Variants in DHRS7C observed in about 807,000 individuals in gnomAD.
DHRS7C encodes dehydrogenase/reductase 7C, also known as dehydrogenase/reductase SDR family member 7C.
In DHRS7C, 28 loss-of-function variants were observed where a neutral mutation model predicts 29.6. The ratio of observed to expected loss-of-function variants is 0.95; its 90% CI spans 0.70 to 1.30. DHRS7C has a LOEUF of 1.30. DHRS7C is among the 50% of genes most tolerant of loss of function. The pLI, the probability that DHRS7C is intolerant of heterozygous loss-of-function variation, is 0.00. For missense variants in DHRS7C, 403 were observed against 393.3 expected, an observed-to-expected ratio of 1.02 and a Z score of -0.21; for synonymous variants, 158 against 160.2, an observed-to-expected ratio of 0.99 and a Z score of 0.10.
At chr17:9,785,803 G>A (rs192565954) in intron 1 of DHRS7C, among the ~76,000 whole-genome samples, 2 of 152,064 alleles carry the variant, frequency 1.3e-5, no homozygotes, top group Non-Finnish European at 2.9e-5. Flanking sequence ...AGTTTTTCTC[G>A]CTCTCCTATC....
At chr17:9,773,964 CT>C (rs1186662957) in intron 4 of DHRS7C, among the ~76,000 whole-genome samples, 2 of 152,102 alleles carry the variant, frequency 1.3e-5, no homozygotes, top group Admixed American at 6.5e-5. Context: ...CTCAGGTGAT[CT>C]GCCTGTCTTG....
In DHRS7C at chr17:9,774,904, C is replaced by T. The variant is rs1007795195; in HGVS notation, c.572-1982G>A. 6.6e-6 allele frequency among the ~76,000 whole-genome samples: 1 copy of T among 152,180 alleles called. No individual in the cohort carries two copies. Among genetic ancestry groups the T allele is most frequent in the African/African-American group, 2.4e-5 (1 of 41,440 alleles). ...GGCATGGCTTCAGTTCTGACATTTA[C>T]ATGGGAAACTCTGTGCCCCTCAATT... On this transcript the variant is annotated intron_variant, in intron 4 of 5. Coordinates refer to ENST00000571134, the MANE Select transcript of DHRS7C (RefSeq NM_001105571.3). This position sits in a 1 kb window ranked among gnomAD's most constrained non-coding sequence, Gnocchi z 5.0.
chr17:9,776,010 T>G (rs983673245), intron 4 of DHRS7C, among the ~76,000 whole-genome samples: 1 of 152,170 alleles, frequency 6.6e-6, no homozygotes, highest in Admixed American at 6.5e-5. Flanking sequence ...GAGATCAGCC[T>G]GGCCAATATG....
At chr17:9,778,394 C>CAA (rs60847065) in intron 3 of DHRS7C, among the ~76,000 whole-genome samples, 30 of 82,954 alleles carry the variant, frequency 3.6e-4, no homozygotes, top group African/African-American at 5.7e-4. Flanking sequence ...GACTCCGTCT[C>CAA]AAAAAAAAAA....
chr17:9,784,247 C>G (rs1567703091), intron 1 of DHRS7C, among the ~76,000 whole-genome samples: 1 of 152,070 alleles, frequency 6.6e-6, no homozygotes, highest in Non-Finnish European at 1.5e-5. Flanking sequence ...CCAAGGCGGG[C>G]AGATCACGAG....
Position 9,791,431 on chromosome 17 carries a change from C to T in DHRS7C, c.-147G>A. The T allele has an allele frequency of 1.2e-6, 1 of 831,038 alleles. No individual in the cohort carries two copies. The highest frequency in any genetic ancestry group is 1.8e-6 in the Non-Finnish European group (1 of 558,476). The allele number at this position is 831,038 out of a possible 1,614,324, so 51.5% of individuals were successfully genotyped here. A position where few individuals can be genotyped will look rare whatever the true frequency, so the allele number is the denominator to read the frequency against. ...CTGAACACCCAGTGGGCGTGCTAAT[C>T]CCCAAATGTTCAACAAATAGGAAGT... On this transcript the variant is annotated 5_prime_UTR_variant, in exon 1 of 6. Transcript: ENST00000571134.
At position 9,781,510 on chromosome 17, in the gene DHRS7C, G is replaced by A; in HGVS notation, c.239C>T (p.Ala80Val). The change falls in exon 2 of 6, where the codon GCC becomes GTC. Residue 80 changes from alanine (A) to valine (V), a missense_variant. By Grantham distance (64) the Ala-to-Val change is moderately conservative (BLOSUM62 0). Transcript: ENST00000571134. ...NWERLENLYD[A>V]LISVADPSKT... ...GCTGGGGTCAGCCACGCTGATCAAG[G>A]CATCATATAGGTTCTCTAGCCTCTC... 1.2e-6 allele frequency: 2 copies of A among 1,613,998 alleles called. No individual in the cohort carries two copies. The highest frequency in any genetic ancestry group is 1.7e-6 in the Non-Finnish European group (2 of 1,179,888).
intron 4 of DHRS7C, among the ~76,000 whole-genome samples, chr17:9,773,741 T>TTTTTTTTTTTTTTTC (rs57969612): frequency 7.7e-6 from 1 of 129,290 alleles, no homozygotes; most frequent in African/African-American, 3.2e-5. Context: ...TTTTTTTTTT[T>TTTTTTTTTTTTTTTC]TGAGACGGCG....
intron 1 of DHRS7C, among the ~76,000 whole-genome samples, chr17:9,788,426 C>T (rs1158051949): frequency 3.3e-5 from 5 of 152,010 alleles, no homozygotes; most frequent in South Asian, 4.2e-4. Context: ...AGGCTGGTCT[C>T]GAACTCCTGA....
intron 1 of DHRS7C, among the ~76,000 whole-genome samples, chr17:9,787,182 G>T (rs2066428828): frequency 6.6e-6 from 1 of 152,186 alleles, no homozygotes; most frequent in South Asian, 2.1e-4. Flanking sequence ...CTGACCTCAG[G>T]TCATCCCCCT....
At chr17:9,783,578 T>C (rs1358720107) in intron 1 of DHRS7C, among the ~76,000 whole-genome samples, 2 of 152,220 alleles carry the variant, frequency 1.3e-5, no homozygotes, top group East Asian at 3.8e-4. Context: ...CAAGTCTAGA[T>C]AGAAATATTG....
At chr17:9,780,714 G>A (rs1029646564) in intron 2 of DHRS7C, among the ~76,000 whole-genome samples, 1 of 152,160 alleles carries the variant, frequency 6.6e-6, no homozygotes, top group Non-Finnish European at 1.5e-5. Context: ...GGGAAACATA[G>A]GCTGTTCTCC....
intron 1 of DHRS7C, among the ~76,000 whole-genome samples, chr17:9,787,830 C>T (rs2066432670): frequency 6.6e-6 from 1 of 152,166 alleles, no homozygotes; most frequent in African/African-American, 2.4e-5. Context: ...ACCTCAGCCT[C>T]CTGAGTAGCT....
chr17:9,774,321 G>C lies in DHRS7C; in HGVS notation c.572-1399C>G, dbSNP rs183906211. Among the ~76,000 whole-genome samples the C allele has an allele frequency of 3.2e-3, 483 of 152,230 alleles. 2 individuals carry two copies. The highest frequency in any genetic ancestry group is 0.01 in the African/African-American group (436 of 41,542). Reference sequence around the variant, plus strand: ...TTGTTTTGAGAGGGAGTCTTGCTCTGTTGTCCGGGCTGGAGTACAGTGGCT... The same window carrying C: ...TTGTTTTGAGAGGGAGTCTTGCTCTCTTGTCCGGGCTGGAGTACAGTGGCT... On this transcript the variant is annotated intron_variant, in intron 4 of 5. Coordinates refer to ENST00000571134, the MANE Select transcript of DHRS7C (RefSeq NM_001105571.3). The surrounding 1 kb of genome is among the most constrained non-coding windows in gnomAD (Gnocchi z 5.0).
chr17:9,776,318 C>T (rs1300204845), intron 4 of DHRS7C, among the ~76,000 whole-genome samples: 3 of 152,186 alleles, frequency 2.0e-5, no homozygotes, highest in African/African-American at 7.2e-5. Flanking sequence ...GTCTGCAAGC[C>T]AGGGAGAAGG....
chr17:9,785,552 C>T (rs2152018231), intron 1 of DHRS7C, among the ~76,000 whole-genome samples: 1 of 152,288 alleles, frequency 6.6e-6, no homozygotes, highest in African/African-American at 2.4e-5. Context: ...CTCAGAAGGG[C>T]AGTGGAACTC....
Position 9,779,895 on chromosome 17 carries a change from A to G in DHRS7C, c.408T>C (p.His136=), listed in dbSNP as rs2066383856. ...TTTTGTCGAGCTCCAGAGAAATCTT[A>G]TGGGCAGGCCCCTTCACCTTCACAC... The part of the protein sequence containing the change: ...NASVKVKGPA[H]KISLELDKKI... Residue 136 remains histidine, a synonymous_variant, in exon 3 of 6, where the codon CAT becomes CAC. Coordinates refer to ENST00000571134, the MANE Select transcript of DHRS7C (RefSeq NM_001105571.3). 1 of 1,613,764 alleles carries G rather than the reference A, an allele frequency of 6.2e-7. No homozygotes were observed. The highest frequency in any genetic ancestry group is 1.3e-5 in the African/African-American group (1 of 74,904).
At chr17:9,781,334 C>T (rs1190770797) in intron 2 of DHRS7C, 148 bp downstream of exon 2, 1 of 688,788 alleles carries the variant, frequency 1.5e-6, no homozygotes. Context: ...GGCAAACATG[C>T]CTATGTCAAG....
rs2066338237 is a variant in DHRS7C at position 9,772,785 on chromosome 17, C to T, written c.709G>A (p.Glu237Lys). ...YHVYPEQGNW[E>K]ASIWKFFFRK... ...GTCTCACATTTCCAAATGGAAGCTT[C>T]CCAGTTTCCTTGCTCTGGATACACG... is the stretch of plus-strand genomic sequence containing the variant. The change falls in exon 5 of 6, where the codon GAA (glutamate) becomes AAA (lysine). Residue 237 changes from glutamate to lysine, a missense_variant. Transcript: ENST00000571134. 3 of 1,613,776 alleles carry T rather than the reference C, an allele frequency of 1.9e-6. No individual in the cohort carries two copies. The highest frequency in any genetic ancestry group is 2.5e-6 in the Non-Finnish European group (3 of 1,179,850).
Sources: allele counts gnomAD v4.1 joint callset (sites outside exome capture counted in the v4.1 genomes callset), GRCh38; gene constraint gnomAD v4.1.1; non-coding constraint Gnocchi (gnomAD v3.1); transcripts MANE v1.5; gene names NCBI Gene and HGNC (gene_info 2026-07-23, HGNC 2026-07-21).